The following STIM2 variants were observed in gnomAD, a reference collection of about 807,000 sequenced individuals.
The protein encoded by STIM2 is stromal interaction molecule 2.
In STIM2, 31 loss-of-function variants were observed where a neutral mutation model predicts 85.8. That is an observed-to-expected ratio of 0.36 (90% CI 0.27 to 0.49). The LOEUF (loss-of-function observed/expected upper bound fraction) is 0.49, where lower values mean the gene tolerates loss of function less well. Ranked by LOEUF, STIM2 falls within the 20% of genes least tolerant of loss-of-function variation. The probability of loss-of-function intolerance (pLI) is 0.98; values close to 1 mark genes in which losing one functional copy is unlikely to be tolerated. For missense variants in STIM2, 841 were observed against 927.6 expected (o/e 0.91, Z 1.21); for synonymous variants, 356 against 331.1 (o/e 1.08, Z -0.82).
chr4:26,982,892 A>C (rs1388413658), intron 3 of STIM2, among the ~76,000 whole-genome samples: 2 of 152,212 alleles, frequency 1.3e-5, no homozygotes, highest in African/African-American at 4.8e-5. Flanking sequence ...CTTCACTGAC[A>C]GTGAAAACTT....
Position 26,860,921 on chromosome 4 carries a change from C to A in STIM2, c.-298C>A, listed in dbSNP as rs568099314. 1,023 of 963,084 alleles carry A rather than the reference C, an allele frequency of 1.1e-3. 5 individuals are homozygous for A. The African/African-American group carries it at 0.02, about 19-fold the overall frequency. 59.7% of individuals were successfully genotyped at this position (963,084 alleles called of 1,614,324 possible). On this transcript the variant is annotated 5_prime_UTR_variant, in exon 1 of 12. Coordinates refer to ENST00000467087, the MANE Select transcript of STIM2 (RefSeq NM_020860.4). The stretch of plus-strand genomic sequence containing the variant: ...GAAGACGCCGTACCTTTCTACCCCC[C>A]ACCTTTTTTTTTTTTTTTTTTAAAT...
chr4:26,934,324 A>C (rs2109076802), intron 2 of STIM2, among the ~76,000 whole-genome samples: 1 of 152,362 alleles, frequency 6.6e-6, no homozygotes, highest in East Asian at 1.9e-4. Flanking sequence ...GGTGTCGGCA[A>C]CCCAAATTTG....
chr4:26,885,821 TTATATATATATATATATATATATATA>T lies in STIM2; in HGVS notation c.151+24480_151+24505del, dbSNP rs56851120. On this transcript the variant is annotated intron_variant, in intron 1 of 11. Transcript: ENST00000467087. The stretch of plus-strand genomic sequence containing the variant: ...ATGAAGCCAAATTTAGCACCTCAGG[TTATATATATATATATATATATATATA>T]TATATATATATATATATATATATAT... 7.3e-3 allele frequency among the ~76,000 whole-genome samples: 619 copies of T among 84,640 alleles called. 9 individuals are homozygous for T. Among genetic ancestry groups the T allele is most frequent in the African/African-American group, 0.018 (503 of 27,824 alleles). 55.5% of individuals were successfully genotyped at this position (84,640 alleles called of 152,430 possible).
At chr4:26,978,405 A>G (rs1186647664) in intron 3 of STIM2, among the ~76,000 whole-genome samples, 1 of 151,716 alleles carries the variant, frequency 6.6e-6, no homozygotes, top group African/African-American at 2.4e-5. Context: ...AACTATCCCT[A>G]TTTAATAGGA....
intron 3 of STIM2, among the ~76,000 whole-genome samples, chr4:26,968,968 A>C (rs902670839): frequency 6.6e-6 from 1 of 152,068 alleles, no homozygotes; most frequent in Non-Finnish European, 1.5e-5. Context: ...TGGTAGTCTT[A>C]TTATATATTT....
At chr4:26,955,606 C>T (rs547863283) in intron 2 of STIM2, among the ~76,000 whole-genome samples, 7 of 148,204 alleles carry the variant, frequency 4.7e-5, no homozygotes, top group African/African-American at 1.8e-4. Flanking sequence ...TTCAGGCAGG[C>T]CCCCTTAAAT....
In STIM2 at chr4:27,022,758, G is replaced by A. The variant is rs748023356; in HGVS notation, c.2003G>A (p.Ser668Asn). 1.2e-6 allele frequency: 2 copies of A among 1,614,222 alleles called. No individual in the cohort carries two copies. The highest frequency in any genetic ancestry group is 1.1e-5 in the South Asian group (1 of 91,090). Residue 668 changes from serine (S) to asparagine (N), a missense_variant, in exon 12 of 12, where the codon AGC becomes AAC. Ser to Asn is a conservative substitution (Grantham distance 46). Coordinates refer to ENST00000467087, the MANE Select transcript of STIM2 (RefSeq NM_020860.4). ...AAGAGTATGATCTTCAGTCCTGCAA[G>A]CAAAGTGTACAATGGCATTTTGGAG... is the stretch of plus-strand genomic sequence containing the variant.
chr4:26,939,998 G>A (rs1183371044), intron 2 of STIM2, among the ~76,000 whole-genome samples: 1 of 152,174 alleles, frequency 6.6e-6, no homozygotes, highest in Non-Finnish European at 1.5e-5. Context: ...TGTTAGGGGA[G>A]CATCAAACAA....
chr4:26,907,295 A>C (rs915324161), intron 1 of STIM2, among the ~76,000 whole-genome samples: 1 of 152,228 alleles, frequency 6.6e-6, no homozygotes, highest in Non-Finnish European at 1.5e-5. Flanking sequence ...AGTTAGAACT[A>C]TATGGTATAA....
intron 3 of STIM2, among the ~76,000 whole-genome samples, chr4:26,984,670 A>T (rs965349891): frequency 2.0e-5 from 3 of 152,116 alleles, no homozygotes; most frequent in Non-Finnish European, 4.4e-5. Context: ...CCAGCCTTCA[A>T]TTTCTAATTT....
intron 1 of STIM2, among the ~76,000 whole-genome samples, chr4:26,904,690 T>C (rs943284339): frequency 6.6e-6 from 1 of 151,844 alleles, no homozygotes. Context: ...AGCGGGAATA[T>C]TTTTAAGATT....
At chr4:27,019,287 C>T in intron 11 of STIM2, 1 of 495,444 alleles carries the variant, frequency 2.0e-6, no homozygotes, top group South Asian at 1.6e-5. Flanking sequence ...GTGATCAGTG[C>T]AGCATATTCC....
At position 26,919,634 on chromosome 4, in the gene STIM2, A is replaced by T. The variant is rs1465047025; in HGVS notation, c.282A>T (p.Glu94Asp). The change falls in exon 2 of 12, where the codon GAA (glutamate) becomes GAT (aspartate). Residue 94 changes from glutamate (E) to aspartate (D), a missense_variant and splice_region_variant. Around this residue, in one of 3 missense-constraint regions of STIM2, gnomAD observed 408 missense variants for 525.4 expected, o/e 0.78. Transcript: ENST00000467087. ...GAATTGAAGTAGAGGAAAGTGATGAAGTAGGTGGAAAAATGTTTTCCTTGC... is the reference window on the plus strand; with the variant it reads ...GAATTGAAGTAGAGGAAAGTGATGATGTAGGTGGAAAAATGTTTTCCTTGC... The T allele has an allele frequency of 1.9e-6, 3 of 1,613,442 alleles. No individual in the cohort carries two copies.
At chr4:26,901,575 T>A (rs778203816) in intron 1 of STIM2, among the ~76,000 whole-genome samples, 3 of 152,186 alleles carry the variant, frequency 2.0e-5, no homozygotes, top group Non-Finnish European at 4.4e-5. Context: ...AATTTTCCTT[T>A]TTGGGCCTTA....
intron 1 of STIM2, among the ~76,000 whole-genome samples, chr4:26,885,855 A>ATATATATGTG (rs1723213798): frequency 9.0e-6 from 1 of 111,274 alleles, no homozygotes; most frequent in African/African-American, 3.8e-5. Context: ...ATATATATAT[A>ATATATATGTG]TATATATATA....
rs138148096 is a variant in STIM2 at position 26,931,147 on chromosome 4, C to T, written c.282+11513C>T. On this transcript the variant is annotated intron_variant, in intron 2 of 11. Transcript: ENST00000467087. ...AGTTTATAACATGACAATGGGGTTCCCTCAGCCCACTGTTTCACTCTCTCA... is the reference window on the plus strand; with the variant it reads ...AGTTTATAACATGACAATGGGGTTCTCTCAGCCCACTGTTTCACTCTCTCA... Among the ~76,000 whole-genome samples the T allele has an allele frequency of 1.5e-4, 23 of 152,208 alleles. No homozygotes were observed. In the East Asian group the frequency reaches 3.1e-3, roughly 20 times the overall value.
intron 7 of STIM2, among the ~76,000 whole-genome samples, chr4:27,005,659 A>G (rs1252598586): frequency 6.6e-6 from 1 of 152,210 alleles, no homozygotes; most frequent in Non-Finnish European, 1.5e-5. Context: ...TGAAACATTC[A>G]TGAGTAATAG....
At chr4:26,906,207 T>C (rs1402978968) in intron 1 of STIM2, among the ~76,000 whole-genome samples, 1 of 152,132 alleles carries the variant, frequency 6.6e-6, no homozygotes, top group African/African-American at 2.4e-5. Context: ...TTCTCACTTA[T>C]AAGCGGGAGC....
chr4:26,861,065 G>T lies in STIM2; in HGVS notation c.-154G>T. 2 of 1,184,252 alleles carry T rather than the reference G, an allele frequency of 1.7e-6. No homozygotes were observed. The highest frequency in any genetic ancestry group is 3.5e-5 in the South Asian group (1 of 28,726). The allele number at this position is 1,184,252 out of a possible 1,614,324, so 73.4% of individuals were successfully genotyped here. ...GGCGGCGGGGGCGGCCGGAGGAGTC[G>T]CCGGCGGCGGTGGTGGCGCCTCGCG... is the stretch of plus-strand genomic sequence containing the variant. On this transcript the variant is annotated 5_prime_UTR_variant, in exon 1 of 12. Transcript: ENST00000467087.
Sources: gnomAD v4.1 joint callset for allele counts (sites outside exome capture counted in the v4.1 genomes callset) on GRCh38, gnomAD v4.1.1 for gene constraint, gnomAD v4.1.1 regional missense constraint, MANE v1.5 for transcripts, NCBI Gene and HGNC (gene_info 2026-07-23, HGNC 2026-07-21) for gene names.